Variants in GRIN2D observed in about 807,000 individuals in gnomAD.
The protein encoded by GRIN2D is glutamate receptor ionotropic, NMDA 2D.
GRIN2D carries 37 observed loss-of-function variants against 103.2 expected under a neutral mutation model. The ratio of observed to expected loss-of-function variants is 0.36; its 90% CI spans 0.28 to 0.47. GRIN2D has a LOEUF of 0.47. Among genes scored for constraint, GRIN2D ranks in the 20% least tolerant of loss-of-function variants. The probability of loss-of-function intolerance (pLI) is 1.00; values close to 1 mark genes in which losing one functional copy is unlikely to be tolerated. For missense variants in GRIN2D, 1,557 were observed against 1,910.6 expected, an observed-to-expected ratio of 0.81 and a Z score of 3.45; for synonymous variants, 845 against 885.6, an observed-to-expected ratio of 0.95 and a Z score of 0.81.
chr19:48,406,461 C>T (rs1251574203), intron 4 of GRIN2D, among the ~76,000 whole-genome samples: 2 of 151,978 alleles, frequency 1.3e-5, no homozygotes, highest in Non-Finnish European at 2.9e-5. Context: ...TAATCCTGAA[C>T]GAGGATGGGG....
chr19:48,398,889 G>T (rs1970676337), intron 3 of GRIN2D, 32 bp downstream of exon 3: 1 of 1,310,812 alleles, frequency 7.6e-7, no homozygotes, highest in South Asian at 2.1e-5. Flanking sequence ...CGGGGCCACA[G>T]GAGGGGCGGG....
At position 48,443,081 on chromosome 19, in the gene GRIN2D, A is replaced by G; in HGVS notation, c.3155A>G (p.Asp1052Gly). Residue 1052 changes from aspartate to glycine, a missense_variant, in exon 14 of 14, where the codon GAC becomes GGC. By Grantham distance (94) the Asp-to-Gly change is moderately conservative. Coordinates refer to ENST00000263269, the MANE Select transcript of GRIN2D (RefSeq NM_000836.4). The surrounding 1 kb of genome is among the most constrained non-coding windows in gnomAD (Gnocchi z 8.9). ...CCACTCTGCCGCTTGGCCTTCGAGG[A>G]CGAGAGCCCGCCGGCGCCCGCGCGG... The part of the protein sequence containing the change: ...GPPLCRLAFE[D>G]ESPPAPARWP... The G allele has an allele frequency of 2.9e-6, 3 of 1,028,660 alleles. No homozygotes were observed. Among genetic ancestry groups the G allele is most frequent in the South Asian group, 3.6e-5 (1 of 27,450 alleles). The allele number at this position is 1,028,660 out of a possible 1,614,324, so 63.7% of individuals were successfully genotyped here.
chr19:48,421,006 T>C lies in GRIN2D; in HGVS notation c.2092-779T>C, dbSNP rs1250964638. 6.6e-6 allele frequency among the ~76,000 whole-genome samples: 1 copy of C among 152,216 alleles called. No homozygotes were observed. The highest frequency in any genetic ancestry group is 1.5e-5 in the Non-Finnish European group (1 of 68,052). ...ATACTTTGAGACTAAAGTGATTAAC[T>C]AGCTGGGTGTCATGACCTATTAGAG... is the stretch of plus-strand genomic sequence containing the variant. On this transcript the variant is annotated intron_variant, in intron 10 of 13. Transcript: ENST00000263269. This position sits in a 1 kb window ranked among gnomAD's most constrained non-coding sequence, Gnocchi z 4.8.
intron 11 of GRIN2D, among the ~76,000 whole-genome samples, chr19:48,424,312 C>T (rs1355326284): frequency 4.2e-4 from 62 of 147,504 alleles, no homozygotes; most frequent in Middle Eastern, 3.4e-3. Context: ...GCTCTGTTGC[C>T]CAGGCTGGAG....
intron 4 of GRIN2D, among the ~76,000 whole-genome samples, chr19:48,406,177 T>G (rs955758247): frequency 2.0e-5 from 3 of 152,110 alleles, no homozygotes; most frequent in African/African-American, 4.8e-5. Context: ...AGGCTAGACG[T>G]CCATTCCTGG....
chr19:48,413,175 TA>T (rs34356915), intron 4 of GRIN2D, among the ~76,000 whole-genome samples: 10,031 of 97,444 alleles, frequency 0.1, 481 homozygotes, highest in East Asian at 0.26. Flanking sequence ...AACCACACAT[TA>T]AAAAAAAAAA....
intron 11 of GRIN2D, among the ~76,000 whole-genome samples, chr19:48,439,857 C>A (rs7255757): frequency 3.9e-5 from 6 of 152,084 alleles, no homozygotes; most frequent in African/African-American, 9.7e-5. Context: ...ACAGGAGAAT[C>A]GTTTGATCCG....
At chr19:48,439,305 G>A (rs1439255210) in intron 11 of GRIN2D, among the ~76,000 whole-genome samples, 3 of 151,890 alleles carry the variant, frequency 2.0e-5, no homozygotes, top group Non-Finnish European at 4.4e-5. Context: ...ACCTGTCAGA[G>A]CATAAGCATT....
chr19:48,414,270 A>G lies in GRIN2D; in HGVS notation c.1201-103A>G. On this transcript the variant is annotated intron_variant, in intron 5 of 13. Coordinates refer to ENST00000263269, the MANE Select transcript of GRIN2D (RefSeq NM_000836.4). This position sits in a 1 kb window ranked among gnomAD's most constrained non-coding sequence, Gnocchi z 4.6. ...GGAGGGGCTCCTGGGTCTTGGAAGAAGCTGCTGCCCACACACCTAGGTCTG... is the reference window on the plus strand; with the variant it reads ...GGAGGGGCTCCTGGGTCTTGGAAGAGGCTGCTGCCCACACACCTAGGTCTG... 2 of 1,054,490 alleles carry G rather than the reference A, an allele frequency of 1.9e-6. No individual in the cohort carries two copies. The highest frequency in any genetic ancestry group is 2.8e-6 in the Non-Finnish European group (2 of 712,318). 65.3% of individuals were successfully genotyped at this position (1,054,490 alleles called of 1,614,324 possible). A position where few individuals can be genotyped will look rare whatever the true frequency, so the allele number is the denominator to read the frequency against.
Position 48,397,433 on chromosome 19 carries a change from T to C in GRIN2D, c.-26-934T>C, listed in dbSNP as rs1054522147. 3.9e-5 allele frequency among the ~76,000 whole-genome samples: 6 copies of C among 152,058 alleles called. No homozygotes were observed. In the South Asian group the frequency reaches 1.2e-3, roughly 32 times the overall value. The stretch of plus-strand genomic sequence containing the variant: ...GGCACCTCCCTGGTGGGGGTCCCGA[T>C]CTTGGCCTTGCTTCGCTATTTCTGT... On this transcript the variant is annotated intron_variant, in intron 2 of 13. Transcript: ENST00000263269.
intron 4 of GRIN2D, among the ~76,000 whole-genome samples, chr19:48,409,120 AAG>A (rs911560018): frequency 1.4e-4 from 21 of 152,150 alleles, no homozygotes; most frequent in African/African-American, 5.1e-4. Context: ...TAGAAGGGCA[AAG>A]AGAGGAGTGA....
At chr19:48,410,911 A>T (rs1378979211) in intron 4 of GRIN2D, among the ~76,000 whole-genome samples, 1 of 152,130 alleles carries the variant, frequency 6.6e-6, no homozygotes, top group African/African-American at 2.4e-5. Flanking sequence ...GGTGGATGAC[A>T]TGAGAGACAG....
rs778297666 is a variant in GRIN2D, at chr19:48,404,846, G to T, written c.578G>T (p.Arg193Leu). 5.6e-6 allele frequency: 9 copies of T among 1,614,212 alleles called. No individual in the cohort carries two copies. Among genetic ancestry groups the T allele is most frequent in the Non-Finnish European group, 5.9e-6 (7 of 1,180,040 alleles). ...DWTSFVAVTT[R>L]APGHRAFLSY... is the part of the protein sequence containing the mutation. The stretch of plus-strand genomic sequence containing the variant: ...ACGTCCTTTGTAGCCGTGACCACTC[G>T]TGCCCCTGGCCACCGGGCCTTCCTG... Residue 193 changes from arginine to leucine, a missense_variant, in exon 4 of 14, where the codon CGT becomes CTT. By Grantham distance (102) the Arg-to-Leu change is moderately radical. Transcript: ENST00000263269.
intron 11 of GRIN2D, among the ~76,000 whole-genome samples, chr19:48,425,819 G>A (rs1395994500): frequency 6.6e-6 from 1 of 151,888 alleles, no homozygotes; most frequent in East Asian, 1.9e-4. Flanking sequence ...ATACAGTGAG[G>A]TACAGTGAGG....
intron 3 of GRIN2D, among the ~76,000 whole-genome samples, chr19:48,403,806 A>C (rs1468333837): frequency 6.6e-6 from 1 of 152,220 alleles, no homozygotes; most frequent in Non-Finnish European, 1.5e-5. Flanking sequence ...CCTTCAGGGA[A>C]CCAGTCCCTC....
chr19:48,426,224 C>CTTTTTTTTTTTTTTTT (rs369360320), intron 11 of GRIN2D, among the ~76,000 whole-genome samples: 40 of 120,080 alleles, frequency 3.3e-4, no homozygotes, highest in African/African-American at 9.0e-4. Context: ...TTCTTTCTTT[C>CTTTTTTTTTTTTTTTT]TTTTTTTTTT....
At position 48,417,116 on chromosome 19, in the gene GRIN2D, T is replaced by G. The variant is rs150356855; in HGVS notation, c.1735+961T>G. Among the ~76,000 whole-genome samples, 223 of 152,186 alleles carry G rather than the reference T, an allele frequency of 1.5e-3. 1 individual carries two copies. The highest frequency in any genetic ancestry group is 5.2e-3 in the African/African-American group (216 of 41,508). On this transcript the variant is annotated intron_variant, in intron 8 of 13. Coordinates refer to ENST00000263269, the MANE Select transcript of GRIN2D (RefSeq NM_000836.4). ...TAAGTTTTTAAAATATCCAGCTCTG[T>G]GTAATCCCAGCTACTCCGGAGGCTG...
chr19:48,427,457 C>T (rs1034444925), intron 11 of GRIN2D, among the ~76,000 whole-genome samples: 4 of 150,422 alleles, frequency 2.7e-5, no homozygotes, highest in Non-Finnish European at 4.4e-5. Flanking sequence ...TGGGATCATT[C>T]CTATATCTTC....
intron 2 of GRIN2D, among the ~76,000 whole-genome samples, chr19:48,396,415 T>G (rs1020377153): frequency 2.6e-5 from 4 of 151,584 alleles, no homozygotes; most frequent in African/African-American, 9.7e-5. Context: ...GCGGGGTCCC[T>G]AAGAGCAGAA....
Sources: allele counts gnomAD v4.1 joint callset (sites outside exome capture counted in the v4.1 genomes callset), GRCh38; gene constraint gnomAD v4.1.1; non-coding constraint Gnocchi (gnomAD v3.1); transcripts MANE v1.5; gene names NCBI Gene and HGNC (gene_info 2026-07-23, HGNC 2026-07-21).